The following DNAH5 variants were observed in gnomAD, a reference collection of about 807,000 sequenced individuals.
DNAH5 encodes dynein axonemal heavy chain 5, also known as axonemal beta dynein heavy chain 5.
Under a neutral mutation model 518.2 loss-of-function variants are expected in DNAH5, and 372 were observed. The observed-to-expected ratio is 0.72, with a 90% CI of 0.66 to 0.78. DNAH5 has a LOEUF of 0.78. DNAH5 is among the 30% of genes least tolerant of loss of function. The pLI is 0.00. For missense variants in DNAH5, 5,523 were observed against 5,687.0 expected, an observed-to-expected ratio of 0.97 and a Z score of 0.93; for synonymous variants, 2,039 against 2,025.9, an observed-to-expected ratio of 1.01 and a Z score of -0.17.
At chr5:13,882,484 C>T (rs1157381762) in intron 21 of DNAH5, among the ~76,000 whole-genome samples, 1 of 152,034 alleles carries the variant, frequency 6.6e-6, no homozygotes, top group Non-Finnish European at 1.5e-5. Flanking sequence ...TGAAATTTAT[C>T]CCCTGGATGC....
intron 35 of DNAH5, among the ~76,000 whole-genome samples, chr5:13,835,312 AAC>A (rs2151848243): frequency 6.6e-6 from 1 of 152,220 alleles, no homozygotes; most frequent in South Asian, 2.1e-4. Context: ...ATATAGAAAT[AAC>A]TGTAGGCAGA....
At chr5:13,858,909 A>G (rs1455678256) in intron 30 of DNAH5, among the ~76,000 whole-genome samples, 1 of 152,218 alleles carries the variant, frequency 6.6e-6, no homozygotes, top group Non-Finnish European at 1.5e-5. Flanking sequence ...AAAATCTCAA[A>G]ATATACTCCA....
intron 38 of DNAH5, among the ~76,000 whole-genome samples, chr5:13,826,921 G>A (rs1378026688): frequency 1.3e-5 from 2 of 152,176 alleles, no homozygotes; most frequent in Non-Finnish European, 2.9e-5. Flanking sequence ...ACATGAAAAC[G>A]TTTGCAACTT....
chr5:13,977,338 G>A (rs531077383), intron 1 of DNAH5, among the ~76,000 whole-genome samples: 2 of 152,274 alleles, frequency 1.3e-5, no homozygotes, highest in East Asian at 3.9e-4. Flanking sequence ...GACGTGGGAC[G>A]CACATGTCTG....
At chr5:13,727,437 T>C in intron 70 of DNAH5, 70 bp downstream of exon 70, 2 of 1,402,528 alleles carry the variant, frequency 1.4e-6, no homozygotes, top group Non-Finnish European at 1.9e-6. Context: ...TTAAAATATT[T>C]TTTTTAATTT....
Position 13,793,655 on chromosome 5 carries a change from G to A in DNAH5, c.8084C>T (p.Thr2695Ile). The stretch of plus-strand genomic sequence containing the variant: ...CAAAAACTGGATGTCCACGATGCTG[G>A]TGAACTCCCCAGGCTTCTCTAGATT... ...FYNLEKPGEF[T>I]SIVDIQFLAA... The change falls in exon 49 of 79, where the codon ACC becomes ATC. Residue 2695 changes from threonine to isoleucine, a missense_variant. Around this residue, in one of 3 missense-constraint regions of DNAH5, gnomAD observed 5,121 missense variants for 5,223.3 expected, o/e 0.98. Transcript: ENST00000265104. 1 of 1,614,142 alleles carries A rather than the reference G, an allele frequency of 6.2e-7. No homozygotes were observed. The highest frequency in any genetic ancestry group is 8.5e-7 in the Non-Finnish European group (1 of 1,180,026).
chr5:13,875,435 C>T (rs1274867107), intron 22 of DNAH5, among the ~76,000 whole-genome samples: 1 of 145,026 alleles, frequency 6.9e-6, no homozygotes, highest in Non-Finnish European at 1.5e-5. Context: ...CCATTGCACT[C>T]CAGCCTAGGC....
chr5:13,691,783 T>A lies in DNAH5; in HGVS notation c.*201A>T. On this transcript the variant is annotated 3_prime_UTR_variant, in exon 79 of 79. Transcript: ENST00000265104. ...TACTTTTATATCACTAAATAACATT[T>A]TCAACAAACTCAGACATTGGTCACT... 1.6e-6 allele frequency: 1 copy of A among 632,276 alleles called. No homozygotes were observed. The highest frequency in any genetic ancestry group is 2.9e-5 in the Admixed American group (1 of 34,006). The allele number at this position is 632,276 out of a possible 1,614,324, so 39.2% of individuals were successfully genotyped here.
chr5:13,751,318 T>C, intron 64 of DNAH5, 58 bp from the exon 65 acceptor site: 1 of 1,420,144 alleles, frequency 7.0e-7, no homozygotes, highest in Non-Finnish European at 9.7e-7. Context: ...TACTGTGTCT[T>C]TTTTGTATCA....
intron 1 of DNAH5, among the ~76,000 whole-genome samples, chr5:13,976,693 A>G (rs1037520543): frequency 1.2e-4 from 13 of 110,210 alleles, no homozygotes; most frequent in African/African-American, 4.7e-4. Context: ...GTGTGTGTAT[A>G]TATATATATA....
chr5:13,937,550 CT>C (rs1779043538), intron 1 of DNAH5, among the ~76,000 whole-genome samples: 1 of 122,472 alleles, frequency 8.2e-6, no homozygotes, highest in Admixed American at 8.1e-5. Context: ...CCCCTACTCA[CT>C]GCTGCTTCCA....
At chr5:13,941,475 T>C (rs1779454290) in intron 1 of DNAH5, among the ~76,000 whole-genome samples, 1 of 152,222 alleles carries the variant, frequency 6.6e-6, no homozygotes, top group Non-Finnish European at 1.5e-5. Context: ...GTGAAATTTG[T>C]TGACTTGGCC....
intron 64 of DNAH5, 88 bp from the exon 65 acceptor site, chr5:13,751,348 T>C: frequency 8.0e-7 from 1 of 1,245,446 alleles, no homozygotes. Flanking sequence ...TTGTTTTAAA[T>C]AATTACATAA....
intron 33 of DNAH5, 64 bp from the exon 34 acceptor site, chr5:13,841,194 C>T: frequency 1.6e-6 from 2 of 1,276,274 alleles, no homozygotes; most frequent in East Asian, 4.7e-5. Context: ...AATAGAAATA[C>T]AATGTGATCA....
intron 1 of DNAH5, among the ~76,000 whole-genome samples, chr5:13,941,675 G>A (rs1310487591): frequency 6.6e-6 from 1 of 152,190 alleles, no homozygotes; most frequent in African/African-American, 2.4e-5. Context: ...GGCGGGAGAG[G>A]GAGGTGTGCT....
chr5:13,857,221 GACAA>G (rs1210094725), intron 30 of DNAH5, among the ~76,000 whole-genome samples: 9 of 152,036 alleles, frequency 5.9e-5, no homozygotes, highest in African/African-American at 1.4e-4. Context: ...ACCAATAATA[GACAA>G]ACAGAGAGCC....
At chr5:13,730,862 G>A (rs1194163926) in intron 68 of DNAH5, among the ~76,000 whole-genome samples, 3 of 151,968 alleles carry the variant, frequency 2.0e-5, no homozygotes, top group African/African-American at 4.8e-5. Flanking sequence ...GACCACGCCT[G>A]GCTAATTTTG....
At chr5:13,948,187 C>T (rs1406154196), upstream of DNAH5, among the ~76,000 whole-genome samples, 1 of 152,206 alleles carries the variant, frequency 6.6e-6, no homozygotes, top group Non-Finnish European at 1.5e-5. Context: ...AGCACTGCAA[C>T]TTGCAGGAAG....
chr5:13,885,741 A>G (rs574673679), intron 18 of DNAH5, among the ~76,000 whole-genome samples: 2 of 152,354 alleles, frequency 1.3e-5, no homozygotes, highest in South Asian at 2.1e-4. Context: ...ACCAGGGCCA[A>G]TGCAAAGTGC....
Sources: allele counts gnomAD v4.1 joint callset (sites outside exome capture counted in the v4.1 genomes callset), GRCh38; gene constraint gnomAD v4.1.1; regional missense constraint gnomAD v4.1.1; transcripts MANE v1.5; gene names NCBI Gene and HGNC (gene_info 2026-07-23, HGNC 2026-07-21).